INPP4B: variants seen among roughly 807,000 people sequenced by gnomAD.
INPP4B encodes the protein inositol polyphosphate 4-phosphatase type II.
A neutral mutation model predicts 122.5 loss-of-function variants in INPP4B; 55 were observed. The observed-to-expected ratio is 0.45, with a 90% CI of 0.36 to 0.56. The LOEUF is 0.56. INPP4B is among the 20% of genes least tolerant of loss of function. INPP4B has a pLI of 0.00. For synonymous variants in INPP4B, 403 were observed against 388.7 expected (o/e 1.04, Z -0.43); for missense variants, 1,000 against 1,097.7 (o/e 0.91, Z 1.26).
At position 142,244,287 on chromosome 4, in the gene INPP4B, C is replaced by CTTTTTTTTT. The variant is rs56945961; in HGVS notation, c.689-6285_689-6277dup. Among the ~76,000 whole-genome samples, 24 of 73,764 alleles carry CTTTTTTTTT rather than the reference C, an allele frequency of 3.3e-4. 2 individuals are homozygous for CTTTTTTTTT. Among genetic ancestry groups the CTTTTTTTTT allele is most frequent in the African/African-American group, 1.2e-3 (22 of 18,178 alleles). 48.4% of individuals were successfully genotyped at this position (73,764 alleles called of 152,430 possible). A position where few individuals can be genotyped will look rare whatever the true frequency, so the allele number is the denominator to read the frequency against. On this transcript the variant is annotated intron_variant, in intron 11 of 25. Transcript: ENST00000262992. The stretch of plus-strand genomic sequence containing the variant: ...ATGGTATTCCATGGTGTATATGTGC[C>CTTTTTTTTT]TTTTTTTTTTTTTTTTTTTTTTTTT...
intron 18 of INPP4B, among the ~76,000 whole-genome samples, chr4:142,127,671 C>T (rs1436939926): frequency 6.6e-6 from 1 of 152,032 alleles, no homozygotes; most frequent in East Asian, 1.9e-4. Context: ...TATCGGAAAG[C>T]ATTAATTATG....
chr4:142,427,096 CAA>C (rs1808263656), intron 5 of INPP4B: 1 of 154,660 alleles, frequency 6.5e-6, no homozygotes, highest in Non-Finnish European at 1.4e-5. Context: ...TAAAAAATCT[CAA>C]AGAAAAAAAT....
At chr4:142,110,071 T>C (rs1041676242) in intron 22 of INPP4B, among the ~76,000 whole-genome samples, 1 of 152,144 alleles carries the variant, frequency 6.6e-6, no homozygotes, top group Non-Finnish European at 1.5e-5. Context: ...ACATTAGTGT[T>C]ATGGAATAAA....
intron 2 of INPP4B, among the ~76,000 whole-genome samples, chr4:142,488,071 A>G (rs1160082938): frequency 6.6e-6 from 1 of 152,142 alleles, no homozygotes; most frequent in African/African-American, 2.4e-5. Flanking sequence ...ATAAGATTAA[A>G]TTCTTTTCAT....
At chr4:142,598,525 T>C (rs1362861207) in intron 2 of INPP4B, among the ~76,000 whole-genome samples, 1 of 152,048 alleles carries the variant, frequency 6.6e-6, no homozygotes, top group East Asian at 1.9e-4. Context: ...AGGACTACAG[T>C]GGCACAGCAC....
intron 2 of INPP4B, among the ~76,000 whole-genome samples, chr4:142,493,267 C>T (rs936164525): frequency 1.3e-5 from 2 of 152,164 alleles, no homozygotes; most frequent in Non-Finnish European, 2.9e-5. Context: ...TGGAGAACCC[C>T]TGTGGAAGGG....
intron 2 of INPP4B, among the ~76,000 whole-genome samples, chr4:142,662,654 T>G (rs953803742): frequency 3.6e-4 from 55 of 152,134 alleles, no homozygotes; most frequent in African/African-American, 1.3e-3. Context: ...CACCAGAGTA[T>G]GGTGGAATCA....
At chr4:142,763,726 G>T (rs1041678489) in intron 1 of INPP4B, among the ~76,000 whole-genome samples, 2 of 152,062 alleles carry the variant, frequency 1.3e-5, no homozygotes, top group Non-Finnish European at 2.9e-5. Flanking sequence ...AAGTAAAAGT[G>T]ATGCCTGAAC....
intron 2 of INPP4B, among the ~76,000 whole-genome samples, chr4:142,517,912 A>G (rs1825612715): frequency 6.6e-6 from 1 of 152,176 alleles, no homozygotes; most frequent in African/African-American, 2.4e-5. Context: ...TCCTTTTACC[A>G]TATCTTGATA....
At chr4:142,118,231 T>C (rs536933755) in intron 21 of INPP4B, among the ~76,000 whole-genome samples, 8 of 152,256 alleles carry the variant, frequency 5.3e-5, no homozygotes, top group South Asian at 2.1e-4. Context: ...AGGTAATTTA[T>C]AGATTCAATG....
intron 9 of INPP4B, among the ~76,000 whole-genome samples, chr4:142,280,712 C>T (rs529100523): frequency 1.4e-4 from 22 of 151,778 alleles, no homozygotes; most frequent in East Asian, 5.8e-4. Context: ...CCATTTTCTC[C>T]GATAATAAAT....
At chr4:142,545,366 ACC>A (rs1379590268) in intron 2 of INPP4B, among the ~76,000 whole-genome samples, 1 of 152,132 alleles carries the variant, frequency 6.6e-6, no homozygotes, top group African/African-American at 2.4e-5. Flanking sequence ...ATGCTATCAT[ACC>A]CATTGTACAG....
intron 23 of INPP4B, among the ~76,000 whole-genome samples, chr4:142,098,648 A>C (rs1783125019): frequency 6.6e-6 from 1 of 152,140 alleles, no homozygotes; most frequent in Admixed American, 6.6e-5. Flanking sequence ...GATGTGAAAG[A>C]GGCGACTCAA....
intron 2 of INPP4B, among the ~76,000 whole-genome samples, chr4:142,627,223 T>C (rs1746656679): frequency 6.6e-6 from 1 of 152,026 alleles, no homozygotes; most frequent in South Asian, 2.1e-4. Context: ...CTTCCTCTTT[T>C]CCTAATTGAA....
chr4:142,089,394 T>G (rs551769720), intron 23 of INPP4B, among the ~76,000 whole-genome samples: 94 of 152,088 alleles, frequency 6.2e-4, no homozygotes, highest in Non-Finnish European at 1.1e-3. Context: ...TACTTTATTA[T>G]GTATTTGAAA....
chr4:142,562,506 A>G (rs995818406), intron 2 of INPP4B, among the ~76,000 whole-genome samples: 10 of 152,140 alleles, frequency 6.6e-5, no homozygotes, highest in African/African-American at 1.7e-4. Context: ...TTTCCCCTCA[A>G]TGAATACCAG....
chr4:142,465,034 A>T (rs1441293332), intron 2 of INPP4B, among the ~76,000 whole-genome samples: 5 of 152,232 alleles, frequency 3.3e-5, no homozygotes, highest in African/African-American at 1.2e-4. Flanking sequence ...TACAAAGGCC[A>T]ACATAGTCTC....
At chr4:142,118,662 T>G (rs1464205959) in intron 21 of INPP4B, among the ~76,000 whole-genome samples, 1 of 152,108 alleles carries the variant, frequency 6.6e-6, no homozygotes, top group Non-Finnish European at 1.5e-5. Context: ...ATTAAAGACT[T>G]AAATGTCAGA....
chr4:142,099,120 G>T (rs1023816295), intron 23 of INPP4B, among the ~76,000 whole-genome samples: 1 of 152,120 alleles, frequency 6.6e-6, no homozygotes, highest in East Asian at 1.9e-4. Context: ...GCAGGCTCTT[G>T]ACAGAAAGTT....
Sources: allele counts gnomAD v4.1 joint callset (sites outside exome capture counted in the v4.1 genomes callset), GRCh38; gene constraint gnomAD v4.1.1; transcripts MANE v1.5; gene names NCBI Gene and HGNC (gene_info 2026-07-23, HGNC 2026-07-21).